The following CDKN2B-AS1 variants were observed in gnomAD, a reference collection of about 807,000 sequenced individuals.
CDKN2B-AS1 encodes the protein CDKN2B and CDKN2A antisense cis and trans regulatory RNA 1, also known as CDKN2B antisense RNA 1 (non-protein coding).
chr9:22,006,360 C>G lies in CDKN2B-AS1; in HGVS notation n.29+11199C>G. On this transcript the variant is annotated intron_variant and non_coding_transcript_variant, in intron 1 of 4. Coordinates refer to ENST00000650946, the Ensembl canonical transcript of CDKN2B-AS1. This position sits in a 1 kb window ranked among gnomAD's most constrained non-coding sequence, Gnocchi z 6.4. ...GAAACACCTAATTGCAAAGTTTTCA[C>G]CCAGTGCAGAGGTGTTCAGGTCTCT... 7.0e-7 allele frequency: 1 copy of G among 1,435,040 alleles called. No homozygotes were observed. The highest frequency in any genetic ancestry group is 1.2e-5 in the South Asian group (1 of 82,312). The allele number at this position is 1,435,040 out of a possible 1,614,324, so 88.9% of individuals were successfully genotyped here. A position where few individuals can be genotyped will look rare whatever the true frequency, so the allele number is the denominator to read the frequency against.
chr9:22,030,116 A>G (rs1822406160), intron 1 of CDKN2B-AS1: 1 of 152,258 alleles, frequency 6.6e-6, no homozygotes, highest in Non-Finnish European at 1.5e-5. Flanking sequence ...TGTCATACTG[A>G]AAAACAGAAG....
intron 4 of CDKN2B-AS1, among the ~76,000 whole-genome samples, chr9:22,092,895 A>C (rs540271854): frequency 1.3e-5 from 2 of 152,122 alleles, no homozygotes; most frequent in Non-Finnish European, 2.9e-5. Flanking sequence ...TTGCTTCTAT[A>C]GTTCTTTTAA....
intron 4 of CDKN2B-AS1, among the ~76,000 whole-genome samples, chr9:22,080,477 C>CG (rs1187624822): frequency 6.6e-6 from 1 of 152,152 alleles, no homozygotes; most frequent in African/African-American, 2.4e-5. Context: ...GGAGGGGCAG[C>CG]GGGGGCAGCC....
chr9:22,063,061 C>T (rs756375547), intron 4 of CDKN2B-AS1, among the ~76,000 whole-genome samples: 1 of 151,320 alleles, frequency 6.6e-6, no homozygotes, highest in African/African-American at 2.4e-5. Context: ...AGGCACTTTT[C>T]TGGATGCATA....
Position 22,005,536 on chromosome 9 carries a change from A to G in CDKN2B-AS1, n.29+10375A>G, listed in dbSNP as rs538150287. 1.7e-4 allele frequency: 58 copies of G among 334,650 alleles called. No individual in the cohort carries two copies. The highest frequency in any genetic ancestry group is 1.2e-3 in the East Asian group (24 of 20,818). 20.7% of individuals were successfully genotyped at this position (334,650 alleles called of 1,614,324 possible). On this transcript the variant is annotated intron_variant and non_coding_transcript_variant, in intron 1 of 4. Coordinates refer to ENST00000650946, the Ensembl canonical transcript of CDKN2B-AS1. The surrounding 1 kb of genome is among the most constrained non-coding windows in gnomAD (Gnocchi z 4.9). The stretch of plus-strand genomic sequence containing the variant: ...CTAGGGCCTAAGTTGTGGGTTCACC[A>G]TAACTCCTCAGCAGACATTGGAGTG...
chr9:22,047,217 C>T (rs1046405664), intron 2 of CDKN2B-AS1, among the ~76,000 whole-genome samples: 1 of 152,040 alleles, frequency 6.6e-6, no homozygotes, highest in African/African-American at 2.4e-5. Flanking sequence ...TTTGTCTGTA[C>T]CCAATAGCTT....
rs1400841793 is a variant in CDKN2B-AS1 at position 22,009,132 on chromosome 9, A to C, written n.29+13971A>C. The C allele has an allele frequency of 3.6e-6, 3 of 836,862 alleles. No homozygotes were observed. In the African/African-American group the frequency reaches 5.1e-5, roughly 14 times the overall value. The allele number at this position is 836,862 out of a possible 1,614,324, so 51.8% of individuals were successfully genotyped here. On this transcript the variant is annotated intron_variant and non_coding_transcript_variant, in intron 1 of 4. Transcript: ENST00000650946. ...GGCTTGGGGCCCCGTGCAGTGGCCGAGCGGCCGGTCGTTAGCTCCGGGCTT... is the reference window on the plus strand; with the variant it reads ...GGCTTGGGGCCCCGTGCAGTGGCCGCGCGGCCGGTCGTTAGCTCCGGGCTT...
At chr9:22,027,331 A>C (rs1445328748) in intron 1 of CDKN2B-AS1, among the ~76,000 whole-genome samples, 1 of 152,172 alleles carries the variant, frequency 6.6e-6, no homozygotes, top group Non-Finnish European at 1.5e-5. Flanking sequence ...GCTTTTATAT[A>C]AGGAACATAT....
In CDKN2B-AS1 at chr9:21,999,688, G is replaced by A. The variant is rs1387084004; in HGVS notation, n.29+4527G>A. 6.6e-6 allele frequency among the ~76,000 whole-genome samples: 1 copy of A among 152,108 alleles called. No individual in the cohort carries two copies. Among genetic ancestry groups the A allele is most frequent in the Non-Finnish European group, 1.5e-5 (1 of 67,998 alleles). ...AGCAGTGTGTATTAGCAAACAAAGT[G>A]CAAGAAAGAGAAAAATGATTGACAT... On this transcript the variant is annotated intron_variant and non_coding_transcript_variant, in intron 1 of 4. Coordinates refer to ENST00000650946, the Ensembl canonical transcript of CDKN2B-AS1. The surrounding 1 kb of genome is among the most constrained non-coding windows in gnomAD (Gnocchi z 4.7).
intron 4 of CDKN2B-AS1, among the ~76,000 whole-genome samples, chr9:22,092,099 G>C (rs1305830415): frequency 6.6e-6 from 1 of 152,116 alleles, no homozygotes; most frequent in Non-Finnish European, 1.5e-5. Context: ...TTTGTCGTTG[G>C]TTCTGTTTAT....
rs115480980 is a variant in CDKN2B-AS1, at chr9:22,124,373, T to A, written n.439-2730T>A. ...CTTCTAAACTAACAAACAGCCAATT[T>A]GTGGAGTGTCACTGGAAAGTGACAA... is the stretch of plus-strand genomic sequence containing the variant. On this transcript the variant is annotated intron_variant and non_coding_transcript_variant, in intron 4 of 4. Coordinates refer to ENST00000650946, the Ensembl canonical transcript of CDKN2B-AS1. Among the ~76,000 whole-genome samples the A allele has an allele frequency of 3.5e-3, 540 of 152,270 alleles. 2 individuals are homozygous for A. The highest frequency in any genetic ancestry group is 0.013 in the African/African-American group (521 of 41,552).
chr9:22,008,264 A>C (rs1338631131), intron 1 of CDKN2B-AS1, among the ~76,000 whole-genome samples: 1 of 152,230 alleles, frequency 6.6e-6, no homozygotes, highest in East Asian at 1.9e-4. Flanking sequence ...TGCATCACTC[A>C]TAAGACACTG....
At chr9:22,029,383 A>G (rs1312445526) in intron 1 of CDKN2B-AS1, 10 of 777,390 alleles carry the variant, frequency 1.3e-5, no homozygotes, top group Non-Finnish European at 1.9e-5. Context: ...TCTGAATCTA[A>G]TCACATAGAG....
At chr9:22,061,717 A>G (rs1460348214) in intron 4 of CDKN2B-AS1, among the ~76,000 whole-genome samples, 5 of 152,116 alleles carry the variant, frequency 3.3e-5, no homozygotes, top group Non-Finnish European at 4.4e-5. Context: ...AGCCCTTACA[A>G]GGTGTGTGGT....
At chr9:22,115,821 CT>C (rs1825935691) in intron 4 of CDKN2B-AS1, among the ~76,000 whole-genome samples, 1 of 151,960 alleles carries the variant, frequency 6.6e-6, no homozygotes, top group Admixed American at 6.6e-5. Context: ...GGGAAATTTT[CT>C]TTTATATTAA....
intron 4 of CDKN2B-AS1, among the ~76,000 whole-genome samples, chr9:22,069,355 A>AT (rs35572758): frequency 0.73 from 110,991 of 151,940 alleles, 42,086 homozygotes; most frequent in African/African-American, 0.93. Context: ...TTTTTCTCGA[A>AT]TAACCACTAT....
Position 21,997,041 on chromosome 9 carries a change from A to G in CDKN2B-AS1, n.29+1880A>G, listed in dbSNP as rs996710755. 1.3e-5 allele frequency among the ~76,000 whole-genome samples: 2 copies of G among 152,170 alleles called. No individual in the cohort carries two copies. Among genetic ancestry groups the G allele is most frequent in the Non-Finnish European group, 2.9e-5 (2 of 68,038 alleles). Reference sequence around the variant, plus strand: ...TATACACACCGTCATGGGGTTGCTTAACAACAGGGATACATTCTCAGACAT... The same window carrying G: ...TATACACACCGTCATGGGGTTGCTTGACAACAGGGATACATTCTCAGACAT... On this transcript the variant is annotated intron_variant and non_coding_transcript_variant, in intron 1 of 4. Coordinates refer to ENST00000650946, the Ensembl canonical transcript of CDKN2B-AS1. This position sits in a 1 kb window ranked among gnomAD's most constrained non-coding sequence, Gnocchi z 4.8.
intron 1 of CDKN2B-AS1, among the ~76,000 whole-genome samples, chr9:22,044,532 TA>T (rs1037690724): frequency 4.6e-5 from 7 of 152,108 alleles, no homozygotes; most frequent in African/African-American, 1.7e-4. Context: ...AGTGATTCTG[TA>T]AAAAACACTT....
At chr9:22,085,555 C>A (rs552555820) in intron 4 of CDKN2B-AS1, among the ~76,000 whole-genome samples, 1 of 152,018 alleles carries the variant, frequency 6.6e-6, no homozygotes, top group Non-Finnish European at 1.5e-5. Flanking sequence ...CCCGTCTCTA[C>A]TAAAAAATAC....
Sources: gnomAD v4.1 joint callset for allele counts (sites outside exome capture counted in the v4.1 genomes callset) on GRCh38, gnomAD v4.1.1 for gene constraint, Gnocchi (gnomAD v3.1) non-coding constraint, MANE v1.5 for transcripts, NCBI Gene and HGNC (gene_info 2026-07-23, HGNC 2026-07-21) for gene names.